The following ZNF185 variants were observed in gnomAD, a reference collection of about 807,000 sequenced individuals.
ZNF185 encodes zinc finger protein 185 with LIM domain.
In ZNF185, 56 loss-of-function variants were observed where a neutral mutation model predicts 58.6. The ratio of observed to expected loss-of-function variants is 0.95; its 90% CI spans 0.77 to 1.19. The LOEUF (loss-of-function observed/expected upper bound fraction) is 1.19, where lower values mean the gene tolerates loss of function less well. ZNF185 is among the 50% of genes most tolerant of loss of function. ZNF185 has a pLI of 0.00. For synonymous variants in ZNF185, 230 were observed against 215.9 expected (o/e 1.07, Z -0.57); for missense variants, 627 against 573.5 (o/e 1.09, Z -0.95).
At chrX:152,960,891 T>C (rs2049393644) in intron 17 of ZNF185, among the ~76,000 whole-genome samples, 1 of 111,895 alleles carries the variant, frequency 8.9e-6, no homozygotes, top group Non-Finnish European at 1.9e-5. Context: ...TCCTGCCAGG[T>C]GAACTTCATC....
chrX:152,939,758 G>A (rs73244139), intron 15 of ZNF185, among the ~76,000 whole-genome samples: 23,729 of 100,792 alleles, frequency 0.24, 2,509 homozygotes, highest in Non-Finnish European at 0.3. Context: ...ATGTTTAAAC[G>A]TCTGCAAAAT....
chrX:152,956,565 C>A (rs1002464888), intron 16 of ZNF185, among the ~76,000 whole-genome samples: 6 of 111,242 alleles, frequency 5.4e-5, no homozygotes, highest in Admixed American at 4.8e-4. Flanking sequence ...ATGGTGAAAC[C>A]CTGTCTCCAC....
At chrX:152,969,534 C>T (rs2071253) in intron 21 of ZNF185, 50 bp downstream of exon 23, 294,852 of 1,027,593 alleles carry the variant, frequency 0.29, 29,208 homozygotes, top group South Asian at 0.43. Context: ...CTCCTGATCA[C>T]GTGCTGCTAA....
At chrX:152,928,113 C>G (rs1556874094) in intron 11 of ZNF185, among the ~76,000 whole-genome samples, 1 of 105,288 alleles carries the variant, frequency 9.5e-6, no homozygotes, top group Non-Finnish European at 2.0e-5. Flanking sequence ...TTGTCCTCAT[C>G]CCCGAGTCTG....
chrX:152,902,833 G>A, the ZNF185 span, among the ~76,000 whole-genome samples: 1 of 112,191 alleles, frequency 8.9e-6, no homozygotes, highest in Admixed American at 9.5e-5. Context: ...AGAAAGATGA[G>A]AAAGAGGGTT....
intron 17 of ZNF185, among the ~76,000 whole-genome samples, chrX:152,961,181 C>G (rs1042512323): frequency 2.7e-5 from 3 of 112,190 alleles, no homozygotes; most frequent in African/African-American, 9.7e-5. Context: ...TCATCTTGTC[C>G]CTGCCAATGA....
the ZNF185 span, among the ~76,000 whole-genome samples, chrX:152,905,713 T>TGG: frequency 6.0e-4 from 43 of 71,185 alleles, no homozygotes; most frequent in African/African-American, 1.1e-3. Context: ...CAGACAGGCT[T>TGG]GGGGGGGGGG....
intron 12 of ZNF185, among the ~76,000 whole-genome samples, chrX:152,929,261 G>A (rs1472507998): frequency 9.4e-6 from 1 of 106,149 alleles, no homozygotes; most frequent in Non-Finnish European, 2.0e-5. Flanking sequence ...GGAGCACGAG[G>A]GGCTCAGCCT....
chrX:152,965,347 C>G, intron 18 of ZNF185, 100 bp from the exon 21 acceptor site: 1 of 730,212 alleles, frequency 1.4e-6, no homozygotes, highest in South Asian at 2.9e-5. Context: ...TCCTTCAAAC[C>G]AGGCTGGGTC....
rs1166990077 is a variant in ZNF185, at chrX:152,970,625, G to C, written c.*84G>C. The C allele has an allele frequency of 8.4e-6, 7 of 834,398 alleles. No individual in the cohort carries two copies. In the Admixed American group the frequency reaches 1.0e-4, roughly 12 times the overall value. The allele number at this position is 834,398 out of a possible 1,213,427, so 68.8% of individuals were successfully genotyped here. A position where few individuals can be genotyped will look rare whatever the true frequency, so the allele number is the denominator to read the frequency against. On this transcript the variant is annotated intron_variant, in intron 22 of 22. Transcript: ENST00000449285. ...CACCCTGGTCTCTCCTGGAGTCTCA[G>C]CCCCAGACACAGCTATCTTTCTTGG...
At chrX:152,939,968 G>T (rs921533118) in intron 15 of ZNF185, among the ~76,000 whole-genome samples, 2 of 109,606 alleles carry the variant, frequency 1.8e-5, no homozygotes, top group Non-Finnish European at 3.8e-5. Context: ...TTTTTACTAG[G>T]GATAGGGTTT....
At chrX:152,913,643 G>A (rs1937699387), upstream of ZNF185, among the ~76,000 whole-genome samples, 1 of 112,434 alleles carries the variant, frequency 8.9e-6, no homozygotes, top group Non-Finnish European at 1.9e-5. Flanking sequence ...GGGCCACTAG[G>A]ATTTGGCAGT....
Position 152,967,163 on chromosome X carries a change from G to A in ZNF185, c.1800-4G>A, listed in dbSNP as rs1374351323. 8.3e-7 allele frequency: 1 copy of A among 1,208,483 alleles called. No individual in the cohort carries two copies. Among genetic ancestry groups the A allele is most frequent in the African/African-American group, 1.8e-5 (1 of 57,113 alleles). On this transcript the variant is annotated splice_polypyrimidine_tract_variant and splice_region_variant and intron_variant, in intron 19 of 22. Transcript: ENST00000449285. ...CCTCCTCTCCCCTATCAAACTCCCT[G>A]CAGCGTCAGCAGCATTGAGGACTCA...
At position 152,959,843 on chromosome X, in the gene ZNF185, G is replaced by GA. The variant is rs2125911777; in HGVS notation, c.1556dup (p.Asn519LysfsTer7). On this transcript the variant is annotated frameshift_variant, in exon 17 of 23. Transcript: ENST00000449285. LOFTEE classifies it high-confidence loss of function. ...CAGATCCCAGTACCCCAGAACAGCA[G>GA]AACAGCCCCAGCGGATCTGAGCAAT... 1.7e-6 allele frequency: 2 copies of GA among 1,211,720 alleles called. No individual in the cohort carries two copies. Among genetic ancestry groups the GA allele is most frequent in the East Asian group, 5.9e-5 (2 of 33,830 alleles).
chrX:152,959,540 GCTCCTTGGGGTGGGGATTGTGC>G (rs782362211), intron 16 of ZNF185, among the ~76,000 whole-genome samples, 137 bp from the exon 19 acceptor site: 8 of 112,251 alleles, frequency 7.1e-5, no homozygotes, highest in African/African-American at 2.6e-4. Flanking sequence ...GAGACTGACT[GCTCCTTGGGGTGGGGATTGTGC>G]CTCCTTCCTG....
chrX:152,909,902 C>T (rs1186812813), upstream of ZNF185, among the ~76,000 whole-genome samples: 1 of 103,212 alleles, frequency 9.7e-6, no homozygotes, highest in Admixed American at 1.0e-4. Context: ...CTGGCATCAA[C>T]TCTTTTTTTT....
At chrX:152,920,884 G>C (rs1371751433) in intron 9 of ZNF185, 136 bp downstream of exon 10, 1 of 788,247 alleles carries the variant, frequency 1.3e-6, no homozygotes, top group East Asian at 3.3e-5. Context: ...AGGGGGAGTT[G>C]TGAGGGGCTG....
chrX:152,959,636 G>T (rs1055769894), intron 16 of ZNF185, 63 bp from the exon 19 acceptor site: 1 of 1,122,645 alleles, frequency 8.9e-7, no homozygotes, highest in African/African-American at 1.8e-5. Flanking sequence ...CAGCCTACCT[G>T]CCATGGGAGA....
intron 17 of ZNF185, among the ~76,000 whole-genome samples, chrX:152,961,009 G>C (rs994003444): frequency 3.6e-5 from 4 of 112,272 alleles, no homozygotes; most frequent in African/African-American, 1.3e-4. Flanking sequence ...CTTCCAGTTC[G>C]AGGCAGGACT....
Sources: gnomAD v4.1 joint callset for allele counts (sites outside exome capture counted in the v4.1 genomes callset) on GRCh38, gnomAD v4.1.1 for gene constraint, MANE v1.5 for transcripts, NCBI Gene and HGNC (gene_info 2026-07-23, HGNC 2026-07-21) for gene names.